The following SYNJ2 variants were observed in gnomAD, a reference collection of about 807,000 sequenced individuals.
The protein encoded by SYNJ2 is synaptojanin 2.
In SYNJ2, 116 loss-of-function variants were observed where a neutral mutation model predicts 141.3. That is an observed-to-expected ratio of 0.82 (90% CI 0.71 to 0.96). The LOEUF is 0.96. SYNJ2 is among the 40% of genes least tolerant of loss of function. SYNJ2 has a pLI of 0.00. For synonymous variants in SYNJ2, 745 were observed against 777.7 expected (o/e 0.96, Z 0.70); for missense variants, 1,873 against 1,934.8 (o/e 0.97, Z 0.60).
At chr6:158,091,910 GTTC>G (rs895035313) in intron 25 of SYNJ2, among the ~76,000 whole-genome samples, 33 of 152,260 alleles carry the variant, frequency 2.2e-4, no homozygotes, top group African/African-American at 7.2e-4. Flanking sequence ...GGGTCAGAAA[GTTC>G]TTCTTGCTTT....
chr6:158,071,169 C>T lies in SYNJ2; in HGVS notation c.1941-433C>T, dbSNP rs1192003372. Among the ~76,000 whole-genome samples, 3 of 152,094 alleles carry T rather than the reference C, an allele frequency of 2.0e-5. No individual in the cohort carries two copies. Among genetic ancestry groups the T allele is most frequent in the South Asian group, 2.1e-4 (1 of 4,822 alleles). On this transcript the variant is annotated intron_variant, in intron 14 of 26. Transcript: ENST00000355585. The surrounding 1 kb of genome is among the most constrained non-coding windows in gnomAD (Gnocchi z 4.3). ...CTGCACTCCAGCCAGGGTGACAGAG[C>T]GAGACTCTGTCTCAAAATAACAATA...
intron 7 of SYNJ2, among the ~76,000 whole-genome samples, chr6:158,061,569 C>T (rs777421892): frequency 1.3e-5 from 2 of 152,124 alleles, no homozygotes; most frequent in Non-Finnish European, 2.9e-5. Context: ...GGGCCGGTTA[C>T]TAGGGCAACG....
chr6:158,083,894 C>A, intron 21 of SYNJ2, 107 bp from the exon 22 acceptor site: 1 of 1,309,656 alleles, frequency 7.6e-7, no homozygotes, highest in Non-Finnish European at 1.1e-6. Context: ...AGCTGCAGGG[C>A]AGGGTGCACG....
At chr6:158,093,768 A>C in intron 26 of SYNJ2, 1 of 679,666 alleles carries the variant, frequency 1.5e-6, no homozygotes, top group Non-Finnish European at 2.7e-6. Flanking sequence ...TGTTGTGTGC[A>C]CATGGTTTCA....
intron 20 of SYNJ2, 81 bp downstream of exon 20, chr6:158,081,591 G>T: frequency 1.6e-6 from 1 of 616,288 alleles, no homozygotes; most frequent in South Asian, 1.8e-5. Flanking sequence ...TCCTCCTCTT[G>T]CCCTGACCTG....
At chr6:158,056,704 C>T (rs1455769977) in intron 6 of SYNJ2, among the ~76,000 whole-genome samples, 1 of 152,220 alleles carries the variant, frequency 6.6e-6, no homozygotes, top group Non-Finnish European at 1.5e-5. Context: ...TCCCAATTCT[C>T]TTCTCTGGGA....
chr6:158,031,507 A>T, intron 3 of SYNJ2, among the ~76,000 whole-genome samples: 1 of 152,238 alleles, frequency 6.6e-6, no homozygotes, highest in East Asian at 1.9e-4. Flanking sequence ...GTAACACGCC[A>T]GGGCGTGGTG....
At position 158,084,828 on chromosome 6, in the gene SYNJ2, A is replaced by C. The variant is rs941244404; in HGVS notation, c.3208+654A>C. Among the ~76,000 whole-genome samples the C allele has an allele frequency of 1.3e-5, 2 of 151,792 alleles. No homozygotes were observed. Among genetic ancestry groups the C allele is most frequent in the Admixed American group, 6.6e-5 (1 of 15,228 alleles). On this transcript the variant is annotated intron_variant, in intron 22 of 26. Coordinates refer to ENST00000355585, the MANE Select transcript of SYNJ2 (RefSeq NM_003898.4). The surrounding 1 kb of genome is among the most constrained non-coding windows in gnomAD (Gnocchi z 5.0). ...TTCCGTCTCAAAACAACAACAACAA[A>C]AAAACTTCTGATTCAATCCCAGTAG...
Position 158,078,366 on chromosome 6 carries a change from A to T in SYNJ2, c.2567+85A>T. ...CCGCAGGAAAATGCATGCTGTCCCC[A>T]TAAGGATGTGTGTGCGCATGGGGGT... On this transcript the variant is annotated intron_variant, in intron 18 of 26. Coordinates refer to ENST00000355585, the MANE Select transcript of SYNJ2 (RefSeq NM_003898.4). The T allele has an allele frequency of 4.6e-6, 4 of 878,422 alleles. No homozygotes were observed. In the South Asian group the frequency reaches 5.9e-5, roughly 13 times the overall value. 54.4% of individuals were successfully genotyped at this position (878,422 alleles called of 1,614,324 possible).
rs922956765 is a variant in SYNJ2 at position 158,071,777 on chromosome 6, A to C, written c.2116A>C (p.Lys706Gln). The change falls in exon 15 of 27, where the codon AAA (lysine) becomes CAA (glutamine). Residue 706 changes from lysine to glutamine, a missense_variant. Coordinates refer to ENST00000355585, the MANE Select transcript of SYNJ2 (RefSeq NM_003898.4). This position sits in a 1 kb window ranked among gnomAD's most constrained non-coding sequence, Gnocchi z 4.3. ...TGAAGACTACAAGGAGATCACCCAG[A>C]AACTCTGCTTCCCAATGGTGAGCGG... is the stretch of plus-strand genomic sequence containing the variant. ...RNEDYKEITQ[K>Q]LCFPMGRNVF... The C allele has an allele frequency of 3.7e-6, 6 of 1,613,464 alleles. No individual in the cohort carries two copies. The Admixed American group carries it at 1.0e-4, about 27-fold the overall frequency.
chr6:158,068,071 G>A, intron 12 of SYNJ2: 1 of 815,532 alleles, frequency 1.2e-6, no homozygotes, highest in East Asian at 1.3e-4. Context: ...CCAGGTTCCA[G>A]AGAAGGAAAG....
At chr6:158,044,315 C>A (rs571540464) in intron 5 of SYNJ2, among the ~76,000 whole-genome samples, 58 of 152,326 alleles carry the variant, frequency 3.8e-4, no homozygotes, top group African/African-American at 1.3e-3. Context: ...TTTGACTTGA[C>A]CCTGTGCCAG....
At chr6:158,067,003 T>G (rs1273674225) in intron 12 of SYNJ2, among the ~76,000 whole-genome samples, 1 of 152,122 alleles carries the variant, frequency 6.6e-6, no homozygotes, top group Non-Finnish European at 1.5e-5. Flanking sequence ...TTTGTTTTTG[T>G]TTTTTGTTTT....
At chr6:158,049,760 G>A (rs1307741319) in intron 5 of SYNJ2, among the ~76,000 whole-genome samples, 1 of 151,834 alleles carries the variant, frequency 6.6e-6, no homozygotes, top group Non-Finnish European at 1.5e-5. Flanking sequence ...ACACGGCTCT[G>A]CAGGTGGGGA....
intron 3 of SYNJ2, among the ~76,000 whole-genome samples, chr6:158,032,731 G>A (rs1779432939): frequency 6.6e-6 from 1 of 152,188 alleles, no homozygotes; most frequent in African/African-American, 2.4e-5. Flanking sequence ...GTCACTTCAA[G>A]GGTGAAATGA....
intron 7 of SYNJ2, among the ~76,000 whole-genome samples, chr6:158,059,931 C>A (rs1781108079): frequency 6.6e-6 from 1 of 152,218 alleles, no homozygotes. Flanking sequence ...CTGTCCCCAG[C>A]CATGTGTCCC....
intron 1 of SYNJ2, among the ~76,000 whole-genome samples, chr6:158,005,478 A>G (rs1778033121): frequency 6.6e-6 from 1 of 151,956 alleles, no homozygotes; most frequent in Non-Finnish European, 1.5e-5. Context: ...CATGTCAGTG[A>G]CCAGCCCTGC....
intron 5 of SYNJ2, among the ~76,000 whole-genome samples, chr6:158,053,066 C>T (rs1015969960): frequency 1.8e-4 from 28 of 152,264 alleles, no homozygotes; most frequent in African/African-American, 6.0e-4. Context: ...CCTTCTTTTC[C>T]GTTAAGTCGA....
chr6:158,038,298 C>G (rs948233532), intron 4 of SYNJ2, among the ~76,000 whole-genome samples: 1 of 152,200 alleles, frequency 6.6e-6, no homozygotes, highest in African/African-American at 2.4e-5. Context: ...AGTCCCCACC[C>G]AACCTTACTC....
Sources: gnomAD v4.1 joint callset for allele counts (sites outside exome capture counted in the v4.1 genomes callset) on GRCh38, gnomAD v4.1.1 for gene constraint, Gnocchi (gnomAD v3.1) non-coding constraint, MANE v1.5 for transcripts, NCBI Gene and HGNC (gene_info 2026-07-23, HGNC 2026-07-21) for gene names.